Variants in NDUFA13 observed in about 807,000 individuals in gnomAD.
The protein encoded by NDUFA13 is NADH:ubiquinone oxidoreductase subunit A13, also known as NADH dehydrogenase [ubiquinone] 1 alpha subcomplex subunit 13.
In NDUFA13, 16 loss-of-function variants were observed where a neutral mutation model predicts 17.0. That is an observed-to-expected ratio of 0.94 (90% CI 0.64 to 1.43). The LOEUF is 1.43. Ranked by LOEUF, NDUFA13 falls within the 40% of genes most tolerant of loss-of-function variation. The pLI is 0.00. For synonymous variants in NDUFA13, 87 were observed against 78.4 expected, an observed-to-expected ratio of 1.11 and a Z score of -0.58; for missense variants, 228 against 206.7, an observed-to-expected ratio of 1.10 and a Z score of -0.63.
intron 2 of NDUFA13, 105 bp from the exon 3 acceptor site, chr19:19,527,176 C>T (rs1600350452): frequency 8.2e-7 from 1 of 1,213,326 alleles, no homozygotes; most frequent in Non-Finnish European, 1.2e-6. Context: ...CCCCGCCCCC[C>T]TCCGCCTCTT....
At position 19,525,927 on chromosome 19, in the gene NDUFA13, A is replaced by G. The variant is rs191886393; in HGVS notation, c.95-255A>G. 2.5e-3 allele frequency: 2,645 copies of G among 1,076,040 alleles called. 16 individuals carry two copies. Among genetic ancestry groups the G allele is most frequent in the South Asian group, 0.016 (926 of 59,652 alleles). The allele number at this position is 1,076,040 out of a possible 1,614,324, so 66.7% of individuals were successfully genotyped here. Reference sequence around the variant, plus strand: ...GGGCCAGCCTGCCGCCCAGGGTCCAAACAGCCTTCTAGAACACGATGGACC... The same window carrying G: ...GGGCCAGCCTGCCGCCCAGGGTCCAGACAGCCTTCTAGAACACGATGGACC... On this transcript the variant is annotated intron_variant, in intron 1 of 4. Transcript: ENST00000507754.
rs1242710511 is a variant in NDUFA13 at position 19,528,125 on chromosome 19, A to AG, written c.*1dup. ...HASHGFMWYT[*] ...AGCCACGGCTTCATGTGGTACACGTAGGCCCTGTGCCCTCCGGCCACCTGG... is the reference window on the plus strand; with the variant it reads ...AGCCACGGCTTCATGTGGTACACGTAGGGCCCTGTGCCCTCCGGCCACCTGG... The change falls in exon 5 of 5, where the codon TAG becomes TAGG. Residue 145 remains the stop codon, a frameshift_variant and stop_retained_variant. Transcript: ENST00000507754. LOFTEE classifies it high-confidence loss of function. 43 of 1,611,412 alleles carry AG rather than the reference A, an allele frequency of 2.7e-5. No homozygotes were observed. Among genetic ancestry groups the AG allele is most frequent in the Non-Finnish European group, 3.3e-5 (39 of 1,179,946 alleles).
In NDUFA13 at chr19:19,528,085, G is replaced by A; in HGVS notation, c.394G>A (p.Glu132Lys). The change falls in exon 5 of 5, where the codon GAG becomes AAG. Residue 132 changes from glutamate to lysine, a missense_variant. Transcript: ENST00000507754. ...GELYGLRTTE[E>K]ALHASHGFMW... ...GCTGTACGGGCTGCGCACCACAGAG[G>A]AGGCTCTCCATGCCAGCCACGGCTT... is the stretch of plus-strand genomic sequence containing the variant. The A allele has an allele frequency of 6.2e-7, 1 of 1,612,006 alleles. No homozygotes were observed. The highest frequency in any genetic ancestry group is 8.5e-7 in the Non-Finnish European group (1 of 1,179,944).
chr19:19,526,399 G>A, intron 2 of NDUFA13, 139 bp downstream of exon 2: 1 of 893,858 alleles, frequency 1.1e-6, no homozygotes. Context: ...GCCCCAGAAA[G>A]TGCAGATCCA....
chr19:19,519,608 C>T (rs915874368), intron 1 of NDUFA13, among the ~76,000 whole-genome samples: 7 of 152,334 alleles, frequency 4.6e-5, no homozygotes, highest in African/African-American at 7.2e-5. Context: ...TGTCCCCAAG[C>T]GCTCACAGCT....
intron 1 of NDUFA13, 22 bp from the exon 2 acceptor site, chr19:19,526,160 T>G (rs1215610927): frequency 1.7e-5 from 27 of 1,612,538 alleles, no homozygotes; most frequent in Non-Finnish European, 2.2e-5. Flanking sequence ...GCTGGCCCGC[T>G]GAGCAGCGCC....
intron 1 of NDUFA13, among the ~76,000 whole-genome samples, chr19:19,524,226 G>T (rs537020454): frequency 1.3e-5 from 2 of 152,348 alleles, no homozygotes; most frequent in South Asian, 4.1e-4. Context: ...TGGGGCCTTG[G>T]CCCCCCTGTG....
chr19:19,525,371 G>A (rs759894746), intron 1 of NDUFA13, among the ~76,000 whole-genome samples: 42 of 152,380 alleles, frequency 2.8e-4, no homozygotes, highest in Non-Finnish European at 1.2e-4. Flanking sequence ...GGGCCCGGCA[G>A]GCACAGAGTA....
At chr19:19,527,618 T>TGA (rs1265269905) in intron 3 of NDUFA13, 83 bp from the exon 4 acceptor site, 10 of 1,160,866 alleles carry the variant, frequency 8.6e-6, no homozygotes, top group Non-Finnish European at 1.3e-5. Context: ...GAGGGAGGCT[T>TGA]GAAGGGGTGC....
intron 1 of NDUFA13, 79 bp downstream of exon 1, chr19:19,516,411 C>T: frequency 6.7e-7 from 1 of 1,483,560 alleles, no homozygotes; most frequent in South Asian, 1.2e-5. Flanking sequence ...CACAGGCGGG[C>T]CTCAGTTTTC....
At chr19:19,525,870 A>G (rs1160690062) in intron 1 of NDUFA13, among the ~76,000 whole-genome samples, 1 of 152,160 alleles carries the variant, frequency 6.6e-6, no homozygotes, top group East Asian at 1.9e-4. Context: ...GGGAGCCACC[A>G]TGGACACTGT....
rs1437562144 is a variant in NDUFA13 at position 19,525,367 on chromosome 19, G to GGCAGGCACAGAGTAGCCCCA, written c.95-807_95-788dup. Among the ~76,000 whole-genome samples the GGCAGGCACAGAGTAGCCCCA allele has an allele frequency of 5.9e-5, 9 of 152,362 alleles. No homozygotes were observed. In the East Asian group the frequency reaches 1.7e-3, roughly 29 times the overall value. On this transcript the variant is annotated intron_variant, in intron 1 of 4. Coordinates refer to ENST00000507754, the MANE Select transcript of NDUFA13 (RefSeq NM_015965.7). Reference sequence around the variant, plus strand: ...GCATGACAGGTGCAGAGCAGGGCCCGGCAGGCACAGAGTAGCCCCAGCAGG... The same window carrying GGCAGGCACAGAGTAGCCCCA: ...GCATGACAGGTGCAGAGCAGGGCCCGGCAGGCACAGAGTAGCCCCAGCAGGCACAGAGTAGCCCCAGCAGG...
intron 1 of NDUFA13, among the ~76,000 whole-genome samples, chr19:19,522,610 C>G (rs1381935607): frequency 6.6e-6 from 1 of 151,196 alleles, no homozygotes; most frequent in Admixed American, 6.6e-5. Flanking sequence ...TCCTGAGTAG[C>G]GGGGACTACA....
intron 1 of NDUFA13, among the ~76,000 whole-genome samples, chr19:19,519,185 C>T (rs774724084): frequency 4.6e-5 from 7 of 152,046 alleles, no homozygotes; most frequent in African/African-American, 1.2e-4. Context: ...GCCACCACGC[C>T]TGGCCGAGTC....
intron 1 of NDUFA13, among the ~76,000 whole-genome samples, chr19:19,519,833 A>AC (rs2061068298): frequency 1.3e-5 from 2 of 151,916 alleles, no homozygotes; most frequent in Non-Finnish European, 2.9e-5. Flanking sequence ...TTCCCACCAG[A>AC]CCTACCTTCT....
chr19:19,516,333 G>A lies in NDUFA13; in HGVS notation c.94+1G>A, dbSNP rs779602473. 70 of 1,613,210 alleles carry A rather than the reference G, an allele frequency of 4.3e-5. No homozygotes were observed. Among genetic ancestry groups the A allele is most frequent in the Non-Finnish European group, 5.6e-5 (66 of 1,179,990 alleles). On this transcript the variant is annotated splice_donor_variant, in intron 1 of 4. Coordinates refer to ENST00000507754, the MANE Select transcript of NDUFA13 (RefSeq NM_015965.7). LOFTEE classifies it high-confidence loss of function. ...AACTTGCCGCGTCGAGGACTGTCGG[G>A]TCAGTATCACTCTGCGCCGGGGTCT...
At chr19:19,520,770 A>G (rs1461745460) in intron 1 of NDUFA13, among the ~76,000 whole-genome samples, 1 of 152,172 alleles carries the variant, frequency 6.6e-6, no homozygotes, top group Non-Finnish European at 1.5e-5. Flanking sequence ...CCTATTAGCA[A>G]TCATCCCACC....
At position 19,518,729 on chromosome 19, in the gene NDUFA13, ATTTTTT is replaced by A. The variant is rs566386690; in HGVS notation, c.94+2421_94+2426del. Among the ~76,000 whole-genome samples the A allele has an allele frequency of 2.8e-3, 96 of 34,114 alleles. 2 individuals are homozygous for A. Among genetic ancestry groups the A allele is most frequent in the African/African-American group, 7.7e-3 (85 of 10,986 alleles). The allele number at this position is 34,114 out of a possible 152,430, so 22.4% of individuals were successfully genotyped here. On this transcript the variant is annotated intron_variant, in intron 1 of 4. Transcript: ENST00000507754. ...CAGGTGGGCGCCACCATGCCCTGCG[ATTTTTT>A]TTTTTTTTTTTTTTTTTTTTTTTGA...
At chr19:19,519,280 C>G (rs962067452) in intron 1 of NDUFA13, among the ~76,000 whole-genome samples, 2 of 152,150 alleles carry the variant, frequency 1.3e-5, no homozygotes, top group African/African-American at 4.8e-5. Context: ...ACCTGTGTGA[C>G]CTGCAGCCAG....
Sources: allele counts gnomAD v4.1 joint callset (sites outside exome capture counted in the v4.1 genomes callset), GRCh38; gene constraint gnomAD v4.1.1; transcripts MANE v1.5; gene names NCBI Gene and HGNC (gene_info 2026-07-23, HGNC 2026-07-21).